XIRP2: variants seen among roughly 807,000 people sequenced by gnomAD.
The protein encoded by XIRP2 is xin actin binding repeat containing 2, also known as xin actin-binding repeat-containing protein 2.
Under a neutral mutation model 277.0 loss-of-function variants are expected in XIRP2, and 236 were observed. That is an observed-to-expected ratio of 0.85 (90% CI 0.77 to 0.95). The LOEUF is 0.95. Ranked by LOEUF, XIRP2 falls within the 40% of genes least tolerant of loss-of-function variation. The pLI, the probability that XIRP2 is intolerant of heterozygous loss-of-function variation, is 0.00. For missense variants in XIRP2, 4,640 were observed against 4,157.5 expected, an observed-to-expected ratio of 1.12 and a Z score of -3.19; for synonymous variants, 1,490 against 1,416.5, an observed-to-expected ratio of 1.05 and a Z score of -1.17.
chr2:167,020,479 T>C (rs553262195), intron 2 of XIRP2, among the ~76,000 whole-genome samples: 1 of 152,144 alleles, frequency 6.6e-6, no homozygotes, highest in South Asian at 2.1e-4. Context: ...GCATATGCTA[T>C]AAAACACCAT....
chr2:167,229,725 TATC>T (rs2105415389), intron 5 of XIRP2, among the ~76,000 whole-genome samples: 1 of 152,196 alleles, frequency 6.6e-6, no homozygotes, highest in South Asian at 2.1e-4. Flanking sequence ...ACAAACAAAT[TATC>T]ATGCTAAAAA....
Position 166,903,808 on chromosome 2 carries a change from G to A in XIRP2, c.326G>A (p.Arg109His), listed in dbSNP as rs111792328. The change falls in exon 2 of 11, where the codon CGC becomes CAC. Residue 109 changes from arginine (R) to histidine (H), a missense_variant. By Grantham distance (29) the Arg-to-His change is conservative. Coordinates refer to ENST00000409195, the MANE Select transcript of XIRP2 (RefSeq NM_152381.6). ...DSLSSRRRIE[R>H]FSIALDELRS... is the part of the protein sequence containing the mutation. ...CTGAGCAGTCGGCGCAGGATTGAAC[G>A]CTTTTCCATTGCCCTTGATGAGCTG... 1.2e-4 allele frequency: 198 copies of A among 1,613,700 alleles called. 1 individual carries two copies. The highest frequency in any genetic ancestry group is 1.1e-3 in the African/African-American group (79 of 75,002).
chr2:167,191,185 CAAAAAA>C (rs931552422), intron 3 of XIRP2, among the ~76,000 whole-genome samples: 2 of 46,916 alleles, frequency 4.3e-5, no homozygotes, highest in Admixed American at 2.3e-4. Context: ...GACCCTGTCT[CAAAAAA>C]AAAAAAAAAA....
chr2:167,138,840 C>T (rs576646028), intron 3 of XIRP2, among the ~76,000 whole-genome samples: 16 of 151,998 alleles, frequency 1.1e-4, no homozygotes, highest in African/African-American at 3.4e-4. Context: ...CCAAGGCGGG[C>T]GAATCACCTA....
intron 5 of XIRP2, among the ~76,000 whole-genome samples, chr2:167,230,811 C>G (rs1331566325): frequency 1.3e-5 from 2 of 152,030 alleles, no homozygotes; most frequent in African/African-American, 4.8e-5. Flanking sequence ...AAAGGTAGCC[C>G]TTCCTGTCTC....
At chr2:166,957,277 A>T (rs972544886) in intron 2 of XIRP2, among the ~76,000 whole-genome samples, 1 of 151,762 alleles carries the variant, frequency 6.6e-6, no homozygotes, top group African/African-American at 2.4e-5. Flanking sequence ...AATGTAGGAA[A>T]TGCCACTCTC....
intron 2 of XIRP2, among the ~76,000 whole-genome samples, chr2:167,021,398 C>A (rs1687977189): frequency 6.6e-6 from 1 of 152,040 alleles, no homozygotes; most frequent in Non-Finnish European, 1.5e-5. Context: ...GCTCCCAAAA[C>A]AGTATATTAT....
intron 2 of XIRP2, among the ~76,000 whole-genome samples, chr2:166,946,387 C>T (rs949230100): frequency 2.6e-5 from 4 of 152,136 alleles, no homozygotes; most frequent in Non-Finnish European, 4.4e-5. Flanking sequence ...TTATATCTCA[C>T]CCAGACAAGG....
At position 167,246,463 on chromosome 2, in the gene XIRP2, A is replaced by G; in HGVS notation, c.5071A>G (p.Ile1691Val). 1 of 1,613,594 alleles carries G rather than the reference A, an allele frequency of 6.2e-7. No homozygotes were observed. The highest frequency in any genetic ancestry group is 8.5e-7 in the Non-Finnish European group (1 of 1,179,648). Residue 1691 changes from isoleucine (I) to valine (V), a missense_variant, in exon 9 of 11, where the codon ATC becomes GTC. Ile to Val is a conservative substitution (Grantham distance 29). Coordinates refer to ENST00000409195, the MANE Select transcript of XIRP2 (RefSeq NM_152381.6). ...EDEKGDINMT[I>V]YCLLHENDGD... ...TGAAAAAGGAGATATTAACATGACT[A>G]TCTATTGTCTTCTTCATGAAAATGA...
At position 167,250,487 on chromosome 2, in the gene XIRP2, C is replaced by T. The variant is rs780199321; in HGVS notation, c.9095C>T (p.Thr3032Ile). 1.9e-6 allele frequency: 3 copies of T among 1,613,316 alleles called. No individual in the cohort carries two copies. The highest frequency in any genetic ancestry group is 2.5e-6 in the Non-Finnish European group (3 of 1,179,664). Reference protein sequence around the residue: ...MLVSYENIIQTAMMSSKTGKP... With the variant: ...MLVSYENIIQIAMMSSKTGKP... ...GTGTCCTATGAAAATATAATTCAGA[C>T]AGCCATGATGTCCTCCAAAACAGGA... is the stretch of plus-strand genomic sequence containing the variant. Residue 3032 changes from threonine to isoleucine, a missense_variant, in exon 9 of 11, where the codon ACA (threonine) becomes ATA (isoleucine). Physicochemically the swap from Thr to Ile is moderately conservative, Grantham distance 89. Coordinates refer to ENST00000409195, the MANE Select transcript of XIRP2 (RefSeq NM_152381.6).
At chr2:167,208,046 C>T (rs1300987003) in intron 3 of XIRP2, among the ~76,000 whole-genome samples, 1 of 152,130 alleles carries the variant, frequency 6.6e-6, no homozygotes, top group Admixed American at 6.5e-5. Context: ...CTAAGCCCAG[C>T]TATACCATTA....
At chr2:167,049,264 G>A (rs1415973594) in intron 2 of XIRP2, among the ~76,000 whole-genome samples, 1 of 151,362 alleles carries the variant, frequency 6.6e-6, no homozygotes, top group African/African-American at 2.4e-5. Flanking sequence ...ATTAAGGCCA[G>A]CAAGTGGCAT....
chr2:166,957,519 T>C (rs1015178799), intron 2 of XIRP2, among the ~76,000 whole-genome samples: 1 of 151,852 alleles, frequency 6.6e-6, no homozygotes, highest in African/African-American at 2.4e-5. Context: ...TATCTCTATT[T>C]TTTATGAATG....
chr2:167,179,252 T>C (rs2105355592), intron 3 of XIRP2, among the ~76,000 whole-genome samples: 1 of 152,216 alleles, frequency 6.6e-6, no homozygotes, highest in African/African-American at 2.4e-5. Flanking sequence ...TGGAATCTTC[T>C]TTTGTGAGCT....
At chr2:167,130,721 T>C (rs771776641) in intron 2 of XIRP2, among the ~76,000 whole-genome samples, 1 of 152,078 alleles carries the variant, frequency 6.6e-6, no homozygotes, top group Non-Finnish European at 1.5e-5. Context: ...CTCTCTTAGA[T>C]CTCTTGGTGG....
chr2:167,055,574 C>T (rs1483638668), intron 2 of XIRP2, among the ~76,000 whole-genome samples: 1 of 152,092 alleles, frequency 6.6e-6, no homozygotes, highest in Non-Finnish European at 1.5e-5. Context: ...TTGTCAATGG[C>T]CACAACATCC....
At position 167,076,299 on chromosome 2, in the gene XIRP2, C is replaced by T. The variant is rs145180995; in HGVS notation, c.409-59610C>T. On this transcript the variant is annotated intron_variant, in intron 2 of 10. Transcript: ENST00000409195. ...CAGGCAATTTCTGTCTTAGACTATA[C>T]TCAATCTTTTATTTCAATGCTAATA... Among the ~76,000 whole-genome samples, 130 of 152,272 alleles carry T rather than the reference C, an allele frequency of 8.5e-4. 1 individual carries two copies. The Middle Eastern group carries it at 0.037, about 44-fold the overall frequency.
intron 3 of XIRP2, among the ~76,000 whole-genome samples, chr2:167,203,557 G>A (rs1693778408): frequency 2.0e-5 from 3 of 152,080 alleles, no homozygotes; most frequent in Non-Finnish European, 2.9e-5. Context: ...TGGTTTTTGT[G>A]CTTACTTCCA....
At chr2:167,203,979 A>G (rs1176701064) in intron 3 of XIRP2, among the ~76,000 whole-genome samples, 1 of 152,116 alleles carries the variant, frequency 6.6e-6, no homozygotes, top group East Asian at 1.9e-4. Flanking sequence ...TTCAAGAACT[A>G]AACAGTTGAC....
Sources: gnomAD v4.1 joint callset for allele counts (sites outside exome capture counted in the v4.1 genomes callset) on GRCh38, gnomAD v4.1.1 for gene constraint, MANE v1.5 for transcripts, NCBI Gene and HGNC (gene_info 2026-07-23, HGNC 2026-07-21) for gene names.